Variants in SERPINE2 observed in about 807,000 individuals in gnomAD.
SERPINE2 encodes serpin family E member 2.
Under a neutral mutation model 36.3 loss-of-function variants are expected in SERPINE2, and 14 were observed. The observed-to-expected ratio is 0.39, with a 90% CI of 0.25 to 0.60. The LOEUF (loss-of-function observed/expected upper bound fraction) is 0.60. SERPINE2 is among the 20% of genes least tolerant of loss of function. The pLI, the probability that SERPINE2 is intolerant of heterozygous loss-of-function variation, is 0.57. For missense variants in SERPINE2, 418 were observed against 499.6 expected (o/e 0.84, Z 1.56); for synonymous variants, 192 against 191.8 (o/e 1.00, Z -0.01).
chr2:224,019,264 T>C (rs1366104489), intron 1 of SERPINE2, among the ~76,000 whole-genome samples: 1 of 1,182 alleles, frequency 8.5e-4, no homozygotes, highest in East Asian at 4.4e-3. Context: ...AAATATATTG[T>C]TTTTTATATA....
Position 224,032,409 on chromosome 2 carries a change from T to TGGGGTA in SERPINE2, c.-23+6684_-23+6689dup, listed in dbSNP as rs547243217. Among the ~76,000 whole-genome samples the TGGGGTA allele has an allele frequency of 3.5e-4, 54 of 152,200 alleles. No individual in the cohort carries two copies. The East Asian group carries it at 0.01, about 28-fold the overall frequency. ...CTGGAACTACATGGAGGGCGAAAGT[T>TGGGGTA]GGGGTAGGGGTAAGAGAAGGCACTG... On this transcript the variant is annotated intron_variant, in intron 1 of 8. Transcript: ENST00000409304.
intron 1 of SERPINE2, among the ~76,000 whole-genome samples, chr2:224,012,602 CAAAA>C (rs35279856): frequency 2.9e-5 from 4 of 135,638 alleles, no homozygotes. Flanking sequence ...GACTCCATCC[CAAAA>C]AAAAAAAAAA....
At chr2:224,008,476 T>C (rs1691504320) in intron 1 of SERPINE2, among the ~76,000 whole-genome samples, 1 of 152,140 alleles carries the variant, frequency 6.6e-6, no homozygotes, top group South Asian at 2.1e-4. Context: ...CTATTTTCTG[T>C]ATCACTATAA....
chr2:224,038,773 C>G (rs1202673397), intron 1 of SERPINE2: 4 of 513,934 alleles, frequency 7.8e-6, no homozygotes, highest in Non-Finnish European at 1.4e-5. Context: ...GGAGCCACGC[C>G]GGCCCCGGTG....
intron 1 of SERPINE2, chr2:224,010,442 TTTATCCATATA>T (rs1418440432): frequency 1.1e-5 from 9 of 832,948 alleles, no homozygotes; most frequent in Non-Finnish European, 1.3e-5. Context: ...TCAAGTGCCT[TTTATCCATATA>T]TTATCCATTC....
chr2:224,013,235 T>TA (rs988479723), intron 1 of SERPINE2, among the ~76,000 whole-genome samples: 6 of 152,296 alleles, frequency 3.9e-5, no homozygotes, highest in African/African-American at 1.4e-4. Flanking sequence ...TCCTGCCTGA[T>TA]AAAACCCCAT....
In SERPINE2 at chr2:223,984,746, A is replaced by G. The variant is rs1352551158; in HGVS notation, c.884+6T>C. 1 of 1,611,210 alleles carries G rather than the reference A, an allele frequency of 6.2e-7. No homozygotes were observed. The highest frequency in any genetic ancestry group is 1.3e-5 in the African/African-American group (1 of 74,846). ...CTGTTTTCTTTGAGGGGAAGGGGCC[A>G]CTTACTTGGGCAGGATCACCTGCAC... On this transcript the variant is annotated splice_donor_region_variant and intron_variant, in intron 5 of 8. Coordinates refer to ENST00000409304, the MANE Select transcript of SERPINE2 (RefSeq NM_001136528.2).
chr2:224,018,965 C>T (rs763919931), intron 1 of SERPINE2, among the ~76,000 whole-genome samples: 8 of 152,194 alleles, frequency 5.3e-5, no homozygotes, highest in Non-Finnish European at 1.2e-4. Context: ...AAATCTGAGT[C>T]AATCCCTATG....
chr2:223,980,603 C>G, intron 6 of SERPINE2: 1 of 539,154 alleles, frequency 1.9e-6, no homozygotes, highest in Admixed American at 3.1e-5. Flanking sequence ...CTGTGATACT[C>G]ACTTCTGGAG....
At chr2:223,997,348 G>C (rs886852314) in intron 3 of SERPINE2, among the ~76,000 whole-genome samples, 3 of 152,136 alleles carry the variant, frequency 2.0e-5, no homozygotes, top group African/African-American at 7.2e-5. Flanking sequence ...AGCCTCCCAA[G>C]TAGCTGGGAT....
At chr2:224,033,310 G>C (rs1692436755) in intron 1 of SERPINE2, among the ~76,000 whole-genome samples, 1 of 152,028 alleles carries the variant, frequency 6.6e-6, no homozygotes, top group Non-Finnish European at 1.5e-5. Context: ...CTTCATGTTG[G>C]CCCATGATGC....
At chr2:224,014,843 G>A (rs1483442523) in intron 1 of SERPINE2, among the ~76,000 whole-genome samples, 1 of 152,220 alleles carries the variant, frequency 6.6e-6, no homozygotes, top group Non-Finnish European at 1.5e-5. Context: ...ACAGTGCCAG[G>A]CCTGGCGCTG....
At chr2:224,010,597 C>T (rs1036776039) in intron 1 of SERPINE2, among the ~76,000 whole-genome samples, 2 of 152,194 alleles carry the variant, frequency 1.3e-5, no homozygotes, top group South Asian at 2.1e-4. Flanking sequence ...GGAAAATTCA[C>T]CTAAAGTTCA....
At chr2:224,022,257 A>G (rs4674850) in intron 1 of SERPINE2, among the ~76,000 whole-genome samples, 140,264 of 147,728 alleles carry the variant, frequency 0.95, 66,846 homozygotes, top group Non-Finnish European at 0.99. Flanking sequence ...ACTTGAACCC[A>G]GGAGGCAGAG....
chr2:224,031,768 G>A lies in SERPINE2; in HGVS notation c.-23+7331C>T, dbSNP rs542580422. 1.3e-4 allele frequency among the ~76,000 whole-genome samples: 7 copies of A among 52,074 alleles called. No individual in the cohort carries two copies. The South Asian group carries it at 2.6e-3, about 19-fold the overall frequency. The allele number at this position is 52,074 out of a possible 152,430, so 34.2% of individuals were successfully genotyped here. A position where few individuals can be genotyped will look rare whatever the true frequency, so the allele number is the denominator to read the frequency against. On this transcript the variant is annotated intron_variant, in intron 1 of 8. Coordinates refer to ENST00000409304, the MANE Select transcript of SERPINE2 (RefSeq NM_001136528.2). ...AGGATTTCCACCCCCCACCCCCCCC[G>A]CCGGCTGGAACTGGCTGAAAAGCCC...
intron 4 of SERPINE2, 102 bp downstream of exon 4, chr2:223,991,701 A>C: frequency 8.1e-7 from 1 of 1,229,108 alleles, no homozygotes. Context: ...CAGTTTTTTA[A>C]AAGATGAAAA....
intron 5 of SERPINE2, among the ~76,000 whole-genome samples, chr2:223,984,055 C>T (rs1168789221): frequency 6.6e-6 from 1 of 151,534 alleles, no homozygotes; most frequent in Admixed American, 6.6e-5. Flanking sequence ...GAATCAAAAG[C>T]TATTAGAACT....
At chr2:224,024,918 G>C (rs1399497974) in intron 1 of SERPINE2, among the ~76,000 whole-genome samples, 2 of 152,188 alleles carry the variant, frequency 1.3e-5, no homozygotes, top group Non-Finnish European at 2.9e-5. Flanking sequence ...TTTTTGTCAT[G>C]AAGTTGCATT....
chr2:223,976,049 G>A, intron 8 of SERPINE2, 145 bp from the exon 9 acceptor site: 1 of 602,450 alleles, frequency 1.7e-6, no homozygotes, highest in South Asian at 3.8e-5. Flanking sequence ...TGCAGTGGTA[G>A]AGATGGTCTA....
Sources: allele counts gnomAD v4.1 joint callset (sites outside exome capture counted in the v4.1 genomes callset), GRCh38; gene constraint gnomAD v4.1.1; transcripts MANE v1.5; gene names NCBI Gene and HGNC (gene_info 2026-07-23, HGNC 2026-07-21).